Variants in GRID1 observed in about 807,000 individuals in gnomAD.
GRID1 encodes glutamate receptor ionotropic, delta-1.
A neutral mutation model predicts 98.0 loss-of-function variants in GRID1; 28 were observed. The ratio of observed to expected loss-of-function variants is 0.29; its 90% CI spans 0.21 to 0.39. The LOEUF (loss-of-function observed/expected upper bound fraction) is 0.39. GRID1 is among the 10% of genes least tolerant of loss of function. GRID1 has a pLI of 1.00. For missense variants in GRID1, 1,111 were observed against 1,340.5 expected, an observed-to-expected ratio of 0.83 and a Z score of 2.67; for synonymous variants, 553 against 538.5, an observed-to-expected ratio of 1.03 and a Z score of -0.37.
chr10:85,716,670 G>A (rs1357732913), intron 12 of GRID1, among the ~76,000 whole-genome samples: 2 of 147,598 alleles, frequency 1.4e-5, no homozygotes, highest in African/African-American at 4.9e-5. Flanking sequence ...TGTACATAAT[G>A]TAATTATTTG....
rs146184758 is a variant in GRID1, at chr10:85,761,680, G to A, written c.1234-32066C>T. On this transcript the variant is annotated intron_variant, in intron 8 of 15. Coordinates refer to ENST00000327946, the MANE Select transcript of GRID1 (RefSeq NM_017551.3). Reference sequence around the variant, plus strand: ...AGGGAGGAAGCTGGGATAGAGGCCAGGAGACAGATAAAACCACTATGGGTC... The same window carrying A: ...AGGGAGGAAGCTGGGATAGAGGCCAAGAGACAGATAAAACCACTATGGGTC... 2.6e-3 allele frequency among the ~76,000 whole-genome samples: 397 copies of A among 152,288 alleles called. 4 individuals carry two copies. The highest frequency in any genetic ancestry group is 9.2e-3 in the African/African-American group (382 of 41,564).
intron 4 of GRID1, among the ~76,000 whole-genome samples, chr10:86,043,707 C>G (rs890806512): frequency 6.6e-6 from 1 of 152,228 alleles, no homozygotes; most frequent in Non-Finnish European, 1.5e-5. Flanking sequence ...AATAATCCAA[C>G]TACAGGATTT....
At chr10:85,702,085 C>G (rs1412240183) in intron 12 of GRID1, among the ~76,000 whole-genome samples, 1 of 151,904 alleles carries the variant, frequency 6.6e-6, no homozygotes, top group Non-Finnish European at 1.5e-5. Context: ...GTTAAAGATA[C>G]TAAAGAATAT....
At position 85,723,125 on chromosome 10, in the gene GRID1, C is replaced by T. The variant is rs144860942; in HGVS notation, c.1875G>A (p.Val625=). Residue 625 remains valine, a synonymous_variant, in exon 12 of 16, where the codon GTG becomes GTA. Transcript: ENST00000327946. ...AFVQQGGESS[V]NSMAMRIVMG... Reference sequence around the variant, plus strand: ...TCACGATGCGCATGGCCATGGAGTTCACGGAAGATTCGCCACCTGCGGGAG... The same window carrying T: ...TCACGATGCGCATGGCCATGGAGTTTACGGAAGATTCGCCACCTGCGGGAG... 3.2e-4 allele frequency: 517 copies of T among 1,607,860 alleles called. No individual in the cohort carries two copies. The highest frequency in any genetic ancestry group is 4.1e-4 in the Non-Finnish European group (480 of 1,176,942).
At chr10:85,863,717 G>A (rs1843187853) in intron 6 of GRID1, among the ~76,000 whole-genome samples, 2 of 152,168 alleles carry the variant, frequency 1.3e-5, no homozygotes, top group Admixed American at 1.3e-4. Context: ...TGGGGGAGAG[G>A]CCCCTGGAGG....
chr10:86,218,679 C>T (rs1374538645), intron 2 of GRID1, among the ~76,000 whole-genome samples: 1 of 152,214 alleles, frequency 6.6e-6, no homozygotes, highest in East Asian at 1.9e-4. Flanking sequence ...TTCTCATCTA[C>T]CCAGACAAGT....
rs1845823943 is a variant in GRID1, at chr10:86,192,794, T to C, written c.520+13570A>G. Among the ~76,000 whole-genome samples the C allele has an allele frequency of 6.6e-6, 1 of 151,980 alleles. No homozygotes were observed. Among genetic ancestry groups the C allele is most frequent in the Non-Finnish European group, 1.5e-5 (1 of 67,924 alleles). On this transcript the variant is annotated intron_variant, in intron 3 of 15. Transcript: ENST00000327946. This position sits in a 1 kb window ranked among gnomAD's most constrained non-coding sequence, Gnocchi z 4.8. ...CAGGACCAGGGCCAACAGGTGATGTTCACACCGATATATGTGGTGATTCCA... is the reference window on the plus strand; with the variant it reads ...CAGGACCAGGGCCAACAGGTGATGTCCACACCGATATATGTGGTGATTCCA...
intron 5 of GRID1, among the ~76,000 whole-genome samples, chr10:85,915,163 G>A (rs573989108): frequency 6.6e-5 from 10 of 151,876 alleles, no homozygotes; most frequent in Admixed American, 1.3e-4. Flanking sequence ...CTTTACATGG[G>A]TACACTTATC....
intron 8 of GRID1, among the ~76,000 whole-genome samples, chr10:85,781,571 C>T (rs999556659): frequency 2.6e-5 from 4 of 152,088 alleles, no homozygotes; most frequent in Non-Finnish European, 4.4e-5. Flanking sequence ...GATGCTGGAG[C>T]GTAGGTAACA....
At chr10:86,154,725 C>A (rs1218132803) in intron 3 of GRID1, among the ~76,000 whole-genome samples, 3 of 152,166 alleles carry the variant, frequency 2.0e-5, no homozygotes, top group Non-Finnish European at 2.9e-5. Flanking sequence ...AAGCTCGAGT[C>A]CAACAGAAGC....
Position 85,859,579 on chromosome 10 carries a change from T to C in GRID1, c.952-3389A>G, listed in dbSNP as rs567959128. ...TTGACTTTGGACAGAGCCTCCTTTG[T>C]TCAAACAGCAATTTGTTCTTGTCTA... On this transcript the variant is annotated intron_variant, in intron 6 of 15. Coordinates refer to ENST00000327946, the MANE Select transcript of GRID1 (RefSeq NM_017551.3). Among the ~76,000 whole-genome samples the C allele has an allele frequency of 7.9e-5, 12 of 152,340 alleles. No homozygotes were observed. The South Asian group carries it at 2.5e-3, about 32-fold the overall frequency.
intron 4 of GRID1, among the ~76,000 whole-genome samples, chr10:86,003,659 C>T (rs1842826500): frequency 2.0e-5 from 3 of 152,154 alleles, no homozygotes; most frequent in Admixed American, 6.5e-5. Flanking sequence ...AATGTGAGAG[C>T]AGCTCTCTTT....
intron 3 of GRID1, among the ~76,000 whole-genome samples, chr10:86,193,292 G>C (rs531934126): frequency 6.6e-6 from 1 of 152,224 alleles, no homozygotes; most frequent in African/African-American, 2.4e-5. Flanking sequence ...TTACTATAAA[G>C]ACCAATACAG....
chr10:86,174,815 T>C (rs989804960), intron 3 of GRID1, among the ~76,000 whole-genome samples: 1 of 151,438 alleles, frequency 6.6e-6, no homozygotes, highest in Non-Finnish European at 1.5e-5. Flanking sequence ...AACAACCCCA[T>C]CAAAAAGTGG....
intron 3 of GRID1, among the ~76,000 whole-genome samples, chr10:86,187,872 C>T (rs971338705): frequency 6.6e-6 from 1 of 152,188 alleles, no homozygotes; most frequent in East Asian, 1.9e-4. Flanking sequence ...AGACACACAA[C>T]TAGAGATGTC....
At chr10:85,792,371 C>A (rs1170125816) in intron 8 of GRID1, among the ~76,000 whole-genome samples, 2 of 152,196 alleles carry the variant, frequency 1.3e-5, no homozygotes, top group East Asian at 3.9e-4. Context: ...ATCCTGTATT[C>A]ATATTTCCAC....
intron 3 of GRID1, among the ~76,000 whole-genome samples, chr10:86,187,144 C>T (rs149696533): frequency 6.2e-4 from 95 of 152,200 alleles, no homozygotes; most frequent in African/African-American, 1.6e-3. Context: ...GGGGGCGGGG[C>T]GGGGCTCAGA....
intron 4 of GRID1, among the ~76,000 whole-genome samples, chr10:85,936,718 T>A (rs1841932259): frequency 6.6e-6 from 1 of 152,166 alleles, no homozygotes; most frequent in Admixed American, 6.5e-5. Flanking sequence ...TTTGCCCTTG[T>A]TTACTTGCCT....
chr10:85,883,427 G>T (rs1259823399), intron 5 of GRID1, among the ~76,000 whole-genome samples: 2 of 151,708 alleles, frequency 1.3e-5, no homozygotes, highest in South Asian at 2.1e-4. Context: ...GCACTTTATT[G>T]TTTCTTGGTT....
Sources: gnomAD v4.1 joint callset for allele counts (sites outside exome capture counted in the v4.1 genomes callset) on GRCh38, gnomAD v4.1.1 for gene constraint, Gnocchi (gnomAD v3.1) non-coding constraint, MANE v1.5 for transcripts, NCBI Gene and HGNC (gene_info 2026-07-23, HGNC 2026-07-21) for gene names.